Variants in PCDH15 observed in about 807,000 individuals in gnomAD.
PCDH15 encodes the protein protocadherin related 15.
Under a neutral mutation model 178.5 loss-of-function variants are expected in PCDH15, and 129 were observed. That is an observed-to-expected ratio of 0.72 (90% CI 0.63 to 0.84). The LOEUF is 0.84. PCDH15 is among the 40% of genes least tolerant of loss of function. The pLI is 0.00. For synonymous variants in PCDH15, 800 were observed against 732.0 expected (o/e 1.09, Z -1.50); for missense variants, 2,230 against 2,099.9 (o/e 1.06, Z -1.21).
At chr10:53,934,418 G>A (rs1428835206) in intron 25 of PCDH15, among the ~76,000 whole-genome samples, 1 of 152,050 alleles carries the variant, frequency 6.6e-6, no homozygotes, top group East Asian at 1.9e-4. Flanking sequence ...AAGGAAGTTG[G>A]CCCCCAATAC....
At chr10:54,636,437 C>A (rs1430428387) in intron 2 of PCDH15, among the ~76,000 whole-genome samples, 2 of 140,732 alleles carry the variant, frequency 1.4e-5, no homozygotes, top group Non-Finnish European at 3.2e-5. Flanking sequence ...TCTCAGGTCT[C>A]TTTTCTGCAT....
intron 3 of PCDH15, among the ~76,000 whole-genome samples, chr10:54,452,822 T>C (rs1470798372): frequency 6.6e-6 from 1 of 152,232 alleles, no homozygotes; most frequent in Non-Finnish European, 1.5e-5. Flanking sequence ...AACTAGATTT[T>C]TTGAGTCATG....
At chr10:54,300,832 CAAT>C (rs1277015867) in intron 8 of PCDH15, among the ~76,000 whole-genome samples, 2 of 152,096 alleles carry the variant, frequency 1.3e-5, no homozygotes, top group Non-Finnish European at 2.9e-5. Context: ...TAAAATGGAC[CAAT>C]CAGCAGGATG....
chr10:54,789,241 G>C (rs1429195556), intron 1 of PCDH15, among the ~76,000 whole-genome samples: 1 of 151,886 alleles, frequency 6.6e-6, no homozygotes, highest in Non-Finnish European at 1.5e-5. Flanking sequence ...ATGTGTGAAT[G>C]TTATAAGTTA....
chr10:55,159,197 TAA>T (rs941605096), intron 2 of PCDH15, among the ~76,000 whole-genome samples: 1 of 151,444 alleles, frequency 6.6e-6, no homozygotes, highest in East Asian at 1.9e-4. Context: ...GCACCACTCA[TAA>T]AAAAAATTAA....
At chr10:55,195,408 C>T (rs969451409) in intron 1 of PCDH15, among the ~76,000 whole-genome samples, 15 of 148,400 alleles carry the variant, frequency 1.0e-4, no homozygotes, top group African/African-American at 3.3e-4. Flanking sequence ...TTTGGGAAGC[C>T]GAGGCAGGTG....
chr10:55,075,456 C>G (rs1841864641), intron 2 of PCDH15, among the ~76,000 whole-genome samples: 1 of 150,778 alleles, frequency 6.6e-6, no homozygotes, highest in Admixed American at 6.6e-5. Context: ...ACCTCTGCCT[C>G]CCGGGTTCAA....
chr10:54,404,339 T>TAGAA (rs1565187587), intron 3 of PCDH15, among the ~76,000 whole-genome samples: 1 of 151,754 alleles, frequency 6.6e-6, no homozygotes, highest in Non-Finnish European at 1.5e-5. Flanking sequence ...ACCAATGGAA[T>TAGAA]AGAACAGAGA....
intron 3 of PCDH15, among the ~76,000 whole-genome samples, chr10:54,449,992 G>T (rs1285132564): frequency 6.6e-6 from 1 of 151,520 alleles, no homozygotes; most frequent in Admixed American, 6.6e-5. Context: ...TTCTTGAAAA[G>T]CCTAGATCCT....
At chr10:54,736,107 C>T (rs1193977355) in intron 1 of PCDH15, among the ~76,000 whole-genome samples, 1 of 151,994 alleles carries the variant, frequency 6.6e-6, no homozygotes, top group Admixed American at 6.6e-5. Context: ...CCCTCTTGAG[C>T]ACTTAGAAGC....
chr10:55,064,481 G>A (rs1170166355), intron 2 of PCDH15, among the ~76,000 whole-genome samples: 2 of 151,982 alleles, frequency 1.3e-5, no homozygotes, highest in South Asian at 2.1e-4. Flanking sequence ...ACTCATATTA[G>A]GTTGGGGCAT....
chr10:54,499,903 G>T (rs1007866838), intron 3 of PCDH15, among the ~76,000 whole-genome samples: 15 of 152,082 alleles, frequency 9.9e-5, no homozygotes, highest in Admixed American at 8.5e-4. Flanking sequence ...ATTTCTCAAA[G>T]AACTTAGAAC....
chr10:55,177,890 A>C (rs528645783), intron 1 of PCDH15, among the ~76,000 whole-genome samples: 1 of 152,208 alleles, frequency 6.6e-6, no homozygotes, highest in East Asian at 1.9e-4. Flanking sequence ...AGAACAAGAG[A>C]TCCATAAAGC....
At chr10:55,539,430 T>C (rs1310632982) in intron 2 of PCDH15, among the ~76,000 whole-genome samples, 1 of 152,024 alleles carries the variant, frequency 6.6e-6, no homozygotes, top group Non-Finnish European at 1.5e-5. Flanking sequence ...ATATTTTAGT[T>C]CAAAATATAT....
intron 2 of PCDH15, among the ~76,000 whole-genome samples, chr10:55,473,763 T>C (rs2132109985): frequency 6.6e-6 from 1 of 152,284 alleles, no homozygotes; most frequent in African/African-American, 2.4e-5. Context: ...TTTGGTATGC[T>C]TTTTCTCTAA....
intron 11 of PCDH15, among the ~76,000 whole-genome samples, chr10:54,189,925 ATG>A (rs57024579): frequency 0.021 from 3,003 of 141,520 alleles, 39 homozygotes; most frequent in Non-Finnish European, 0.028. Flanking sequence ...ATGCATGTGT[ATG>A]TGTGTGTGTG....
chr10:55,261,002 T>C (rs145600319), intron 1 of PCDH15, among the ~76,000 whole-genome samples: 1 of 152,252 alleles, frequency 6.6e-6, no homozygotes, highest in East Asian at 1.9e-4. Flanking sequence ...ATAGTGATGC[T>C]TCTGGGGTAA....
At chr10:54,921,319 ATTTAT>A (rs1837481445) in intron 2 of PCDH15, among the ~76,000 whole-genome samples, 3 of 130,024 alleles carry the variant, frequency 2.3e-5, no homozygotes, top group South Asian at 5.0e-4. Flanking sequence ...TTTTATTTTT[ATTTAT>A]TTTTTTTTAC....
intron 2 of PCDH15, among the ~76,000 whole-genome samples, chr10:54,611,168 A>G (rs1487251234): frequency 2.0e-5 from 3 of 151,866 alleles, no homozygotes; most frequent in Admixed American, 6.6e-5. Context: ...ATTTATAATT[A>G]TCTATGCTAA....
Sources: gnomAD v4.1 joint callset for allele counts (sites outside exome capture counted in the v4.1 genomes callset) on GRCh38, gnomAD v4.1.1 for gene constraint, MANE v1.5 for transcripts, NCBI Gene and HGNC (gene_info 2026-07-23, HGNC 2026-07-21) for gene names.